Variants in IL17RD observed in about 807,000 individuals in gnomAD.
The protein encoded by IL17RD is interleukin 17 receptor D, also known as interleukin-17 receptor D.
A neutral mutation model predicts 80.5 loss-of-function variants in IL17RD; 52 were observed. That is an observed-to-expected ratio of 0.65 (90% confidence interval 0.52 to 0.81). IL17RD has a LOEUF of 0.81. IL17RD is among the 40% of genes least tolerant of loss of function. The pLI is 0.00. For synonymous variants in IL17RD, 416 were observed against 391.8 expected, an observed-to-expected ratio of 1.06 and a Z score of -0.73; for missense variants, 1,024 against 955.1, an observed-to-expected ratio of 1.07 and a Z score of -0.95.
rs1362044881 is a variant in IL17RD, at chr3:57,096,403, G to A, written c.2210C>T (p.Ala737Val). The change falls in exon 13 of 13, where the codon GCC (alanine) becomes GTC (valine). Residue 737 changes from alanine (A) to valine (V), a missense_variant. By Grantham distance (64) the Ala-to-Val change is moderately conservative (BLOSUM62 0). Coordinates refer to ENST00000296318, the MANE Select transcript of IL17RD (RefSeq NM_017563.5). ...RSYTDELHAVAPL is the reference protein window; with the variant it reads ...RSYTDELHAVVPL ...GACTCTTTCGTTTTGTTACAAAGGGGCGACCGCGTGGAGTTCATCAGTGTA... is the reference window on the plus strand; with the variant it reads ...GACTCTTTCGTTTTGTTACAAAGGGACGACCGCGTGGAGTTCATCAGTGTA... 3.1e-6 allele frequency: 5 copies of A among 1,612,322 alleles called. No individual in the cohort carries two copies. Among genetic ancestry groups the A allele is most frequent in the Non-Finnish European group, 4.2e-6 (5 of 1,178,478 alleles).
upstream of IL17RD, among the ~76,000 whole-genome samples, chr3:57,165,632 C>T (rs1385221125): frequency 6.6e-6 from 1 of 151,818 alleles, no homozygotes; most frequent in Non-Finnish European, 1.5e-5. Flanking sequence ...TATGCAAAAC[C>T]TGAGGAAAAC....
chr3:57,106,010 T>A lies in IL17RD; in HGVS notation c.596-2A>T, dbSNP rs1428211392. ...TGTTCAGGTTCCGAGGCTTCCAGAC[T>A]GGAAGAAGGTAGGACCCAGAGTGAG... On this transcript the variant is annotated splice_acceptor_variant, in intron 6 of 12. Transcript: ENST00000296318. LOFTEE classifies it high-confidence loss of function. 1 of 1,613,640 alleles carries A rather than the reference T, an allele frequency of 6.2e-7. No homozygotes were observed. The highest frequency in any genetic ancestry group is 8.5e-7 in the Non-Finnish European group (1 of 1,179,722).
chr3:57,168,288 G>A (rs1367726291), upstream of IL17RD, among the ~76,000 whole-genome samples: 3 of 152,182 alleles, frequency 2.0e-5, no homozygotes, highest in African/African-American at 7.2e-5. Flanking sequence ...GGAAGGCAGA[G>A]CCCCACTCCT....
intron 1 of IL17RD, among the ~76,000 whole-genome samples, chr3:57,139,925 A>G (rs1707798391): frequency 6.6e-6 from 1 of 152,150 alleles, no homozygotes; most frequent in Non-Finnish European, 1.5e-5. Context: ...ATTCAAACTC[A>G]ACTCCTGGTT....
chr3:57,169,358 A>G, upstream of IL17RD: 1 of 433,862 alleles, frequency 2.3e-6, no homozygotes, highest in Non-Finnish European at 4.7e-6. Flanking sequence ...TTCAGTGGGC[A>G]AGAGACTGTC....
intron 1 of IL17RD, among the ~76,000 whole-genome samples, chr3:57,126,231 AACGGGT>A (rs1359060139): frequency 3.9e-5 from 6 of 152,222 alleles, no homozygotes; most frequent in Non-Finnish European, 8.8e-5. Context: ...TTGCTGCACT[AACGGGT>A]AGCTTTTAAT....
At chr3:57,126,249 T>A (rs769285551) in intron 1 of IL17RD, among the ~76,000 whole-genome samples, 1 of 152,224 alleles carries the variant, frequency 6.6e-6, no homozygotes, top group African/African-American at 2.4e-5. Flanking sequence ...GCTTTTAATT[T>A]GTTCCAAAGG....
chr3:57,160,526 C>G (rs546989274), intron 1 of IL17RD, among the ~76,000 whole-genome samples: 2 of 152,068 alleles, frequency 1.3e-5, no homozygotes, highest in South Asian at 4.2e-4. Flanking sequence ...CAGGCCTCCT[C>G]ATCTGCCCCA....
intron 1 of IL17RD, among the ~76,000 whole-genome samples, chr3:57,153,480 G>A (rs1241658534): frequency 6.6e-6 from 1 of 152,212 alleles, no homozygotes. Flanking sequence ...AAAATAGGTA[G>A]AGGAACTGTT....
chr3:57,109,856 C>T (rs1459184767), intron 4 of IL17RD, among the ~76,000 whole-genome samples, 199 bp from the exon 5 acceptor site: 1 of 152,198 alleles, frequency 6.6e-6, no homozygotes, highest in Non-Finnish European at 1.5e-5. Context: ...ATGGACAATG[C>T]GGTCTGTTTT....
At chr3:57,108,509 C>CTT (rs34594516) in intron 5 of IL17RD, among the ~76,000 whole-genome samples, 1,886 of 49,114 alleles carry the variant, frequency 0.038, 397 homozygotes, top group African/African-American at 0.12. Context: ...TGATACATGG[C>CTT]TTTTTTTTTT....
At chr3:57,128,110 T>C (rs971078747) in intron 1 of IL17RD, among the ~76,000 whole-genome samples, 13 of 152,204 alleles carry the variant, frequency 8.5e-5, no homozygotes, top group Non-Finnish European at 4.4e-5. Flanking sequence ...CAAATTGAGA[T>C]GCAACCAACT....
At chr3:57,134,117 C>T (rs926050166) in intron 1 of IL17RD, 3 of 560,310 alleles carry the variant, frequency 5.4e-6, no homozygotes, top group East Asian at 3.3e-5. Context: ...TCATTGCTTT[C>T]GCTGCTGCGG....
chr3:57,162,538 C>T (rs1336214381), intron 1 of IL17RD, among the ~76,000 whole-genome samples: 1 of 152,110 alleles, frequency 6.6e-6, no homozygotes, highest in African/African-American at 2.4e-5. Flanking sequence ...TTCTAGAAGA[C>T]ATGACCTAGG....
At chr3:57,152,643 T>A (rs2060235566) in intron 1 of IL17RD, among the ~76,000 whole-genome samples, 1 of 152,238 alleles carries the variant, frequency 6.6e-6, no homozygotes, top group African/African-American at 2.4e-5. Flanking sequence ...ATGACCAATA[T>A]TAACTTTACA....
rs367776257 is a variant in IL17RD, at chr3:57,096,320, A to G, written c.*73T>C. ...GACCTCAGCTCCAAGTGGGCCATGC[A>G]ACCAGGGAGATGAGCTGGGGAATCA... On this transcript the variant is annotated 3_prime_UTR_variant, in exon 13 of 13. Coordinates refer to ENST00000296318, the MANE Select transcript of IL17RD (RefSeq NM_017563.5). The G allele has an allele frequency of 9.7e-5, 99 of 1,021,018 alleles. No homozygotes were observed. The South Asian group carries it at 1.2e-3, about 12-fold the overall frequency. The allele number at this position is 1,021,018 out of a possible 1,614,324, so 63.2% of individuals were successfully genotyped here.
chr3:57,170,063 T>G (rs571865929), upstream of IL17RD, among the ~76,000 whole-genome samples: 1 of 152,156 alleles, frequency 6.6e-6, no homozygotes, highest in Admixed American at 6.5e-5. Flanking sequence ...TCCTCCAGAC[T>G]CTTCCTGTCT....
chr3:57,134,024 G>A (rs921817533), intron 1 of IL17RD: 21 of 333,228 alleles, frequency 6.3e-5, no homozygotes, highest in Middle Eastern at 8.8e-4. Flanking sequence ...AACCAGAAAA[G>A]ATTAAAAGCA....
intron 2 of IL17RD, among the ~76,000 whole-genome samples, chr3:57,119,841 C>T (rs747089): frequency 0.16 from 24,145 of 152,200 alleles, 2,475 homozygotes; most frequent in East Asian, 0.37. Flanking sequence ...TCATGGCCAC[C>T]ATATTTGGAA....
Sources: allele counts gnomAD v4.1 joint callset (sites outside exome capture counted in the v4.1 genomes callset), GRCh38; gene constraint gnomAD v4.1.1; transcripts MANE v1.5; gene names NCBI Gene and HGNC (gene_info 2026-07-23, HGNC 2026-07-21).